CRTC1: variants seen among roughly 807,000 people sequenced by gnomAD.
The protein encoded by CRTC1 is CREB-regulated transcription coactivator 1.
A neutral mutation model predicts 66.1 loss-of-function variants in CRTC1; 18 were observed. The observed-to-expected ratio is 0.27, with a 90% CI of 0.19 to 0.40. CRTC1 has a LOEUF of 0.40. Ranked by LOEUF, CRTC1 falls within the 10% of genes least tolerant of loss-of-function variation. CRTC1 has a pLI of 1.00. For synonymous variants in CRTC1, 416 were observed against 398.8 expected, an observed-to-expected ratio of 1.04 and a Z score of -0.51; for missense variants, 669 against 887.9, an observed-to-expected ratio of 0.75 and a Z score of 3.13.
Position 18,777,271 on chromosome 19 carries a change from C to T in CRTC1, c.1794C>T (p.Asp598=), listed in dbSNP as rs758451654. ...SFDSDSQFPL[D]ELKIDPLTLD... ...ACTCCGACAGCCAGTTTCCCCTGGA[C>T]GAACTCAAGATCGACCCCCTGACCC... The change falls in exon 14 of 14, where the codon GAC becomes GAT. Residue 598 remains aspartate, a synonymous_variant. Coordinates refer to ENST00000321949, the MANE Select transcript of CRTC1 (RefSeq NM_015321.3). This position sits in a 1 kb window ranked among gnomAD's most constrained non-coding sequence, Gnocchi z 5.5. 6.8e-6 allele frequency: 11 copies of T among 1,612,460 alleles called. No individual in the cohort carries two copies. The highest frequency in any genetic ancestry group is 2.7e-5 in the African/African-American group (2 of 74,998).
chr19:18,729,365 G>A (rs914296642), intron 1 of CRTC1, among the ~76,000 whole-genome samples: 4 of 150,722 alleles, frequency 2.7e-5, no homozygotes, highest in African/African-American at 9.7e-5. Flanking sequence ...GGCGGAGCTT[G>A]CAGTGAGCTG....
chr19:18,743,925 C>G (rs2054170083), intron 2 of CRTC1, among the ~76,000 whole-genome samples: 1 of 152,198 alleles, frequency 6.6e-6, no homozygotes, highest in Non-Finnish European at 1.5e-5. Flanking sequence ...GTCCCCTCTT[C>G]CCTGGAGGAG....
chr19:18,744,612 C>A (rs1423050219), intron 2 of CRTC1, among the ~76,000 whole-genome samples: 1 of 152,224 alleles, frequency 6.6e-6, no homozygotes, highest in East Asian at 1.9e-4. Context: ...TCTGACTTGG[C>A]TTTGGCTGCC....
At chr19:18,752,570 C>T (rs1319760160) in intron 5 of CRTC1, among the ~76,000 whole-genome samples, 1 of 152,096 alleles carries the variant, frequency 6.6e-6, no homozygotes, top group Non-Finnish European at 1.5e-5. Flanking sequence ...CTGCCTGCCT[C>T]GGCCTCCCAA....
Position 18,725,492 on chromosome 19 carries a change from G to T in CRTC1, c.127-17418G>T, listed in dbSNP as rs568162998. The stretch of plus-strand genomic sequence containing the variant: ...CCACCCTCCTGGAGCGGAGGTTGGG[G>T]CAGCCTGGCCAGCCGTCCCCACACA... On this transcript the variant is annotated intron_variant, in intron 1 of 13. Transcript: ENST00000321949. 4.3e-4 allele frequency among the ~76,000 whole-genome samples: 64 copies of T among 150,460 alleles called. No homozygotes were observed. In the South Asian group the frequency reaches 0.011, roughly 26 times the overall value.
chr19:18,743,671 C>T (rs1025852934), intron 2 of CRTC1, among the ~76,000 whole-genome samples: 4 of 152,178 alleles, frequency 2.6e-5, no homozygotes, highest in East Asian at 3.9e-4. Context: ...AAAACCACCT[C>T]GGACACAGCC....
intron 8 of CRTC1, among the ~76,000 whole-genome samples, chr19:18,764,401 G>A (rs904802161): frequency 3.9e-5 from 6 of 152,244 alleles, no homozygotes; most frequent in East Asian, 1.9e-4. Flanking sequence ...GAGTGGATGG[G>A]GGTCAGGCCA....
Position 18,765,260 on chromosome 19 carries a change from C to A in CRTC1, c.887-144C>A, listed in dbSNP as rs931946414. The A allele has an allele frequency of 4.0e-6, 5 of 1,249,730 alleles. No homozygotes were observed. In the African/African-American group the frequency reaches 7.5e-5, roughly 19 times the overall value. 77.4% of individuals were successfully genotyped at this position (1,249,730 alleles called of 1,614,324 possible). A position where few individuals can be genotyped will look rare whatever the true frequency, so the allele number is the denominator to read the frequency against. ...GGAATCAGGGCCTTCGGGGGGTGCCCAGGTTTGGCAGTTGGGACATGTCCA... is the reference window on the plus strand; with the variant it reads ...GGAATCAGGGCCTTCGGGGGGTGCCAAGGTTTGGCAGTTGGGACATGTCCA... On this transcript the variant is annotated intron_variant, in intron 8 of 13. Coordinates refer to ENST00000321949, the MANE Select transcript of CRTC1 (RefSeq NM_015321.3).
chr19:18,772,698 A>G (rs1180626695), intron 11 of CRTC1, among the ~76,000 whole-genome samples: 1 of 152,126 alleles, frequency 6.6e-6, no homozygotes, highest in African/African-American at 2.4e-5. Context: ...GCCGTCTGGG[A>G]CCACTGCCTG....
chr19:18,695,820 G>A (rs1478026848), intron 1 of CRTC1, among the ~76,000 whole-genome samples: 1 of 152,098 alleles, frequency 6.6e-6, no homozygotes, highest in Non-Finnish European at 1.5e-5. Context: ...AGCCGAGATC[G>A]CGTCACTGCG....
intron 13 of CRTC1, among the ~76,000 whole-genome samples, chr19:18,776,302 G>A (rs538018646): frequency 1.3e-4 from 20 of 152,218 alleles, no homozygotes; most frequent in Non-Finnish European, 2.4e-4. Flanking sequence ...ACGGCGCCTG[G>A]GCTCCTGGGG....
rs2145885625 is a variant in CRTC1 at position 18,779,687 on chromosome 19, G to A, written c.*2305G>A. 4.4e-6 allele frequency: 1 copy of A among 225,092 alleles called. No homozygotes were observed. The highest frequency in any genetic ancestry group is 6.4e-5 in the East Asian group (1 of 15,582). 13.9% of individuals were successfully genotyped at this position (225,092 alleles called of 1,614,324 possible). A position where few individuals can be genotyped will look rare whatever the true frequency, so the allele number is the denominator to read the frequency against. ...TCTGGTCTTCGGTGTGGACAGATAG[G>A]AGAGGAGGGATGCCCACCTCGGAGC... is the stretch of plus-strand genomic sequence containing the variant. On this transcript the variant is annotated 3_prime_UTR_variant, in exon 14 of 14. Transcript: ENST00000321949.
chr19:18,700,784 G>A (rs921810873), intron 1 of CRTC1, among the ~76,000 whole-genome samples: 6 of 152,302 alleles, frequency 3.9e-5, no homozygotes, highest in East Asian at 1.9e-4. Flanking sequence ...AAAGACACGC[G>A]AGCTGTCCAC....
chr19:18,706,887 C>A (rs529805212), intron 1 of CRTC1, among the ~76,000 whole-genome samples: 23 of 151,986 alleles, frequency 1.5e-4, no homozygotes, highest in African/African-American at 4.3e-4. Flanking sequence ...GGTTGTTTTT[C>A]TTTTTGTTGG....
In CRTC1 at chr19:18,774,951, A is replaced by T. The variant is rs774332749; in HGVS notation, c.1477A>T (p.Met493Leu). The T allele has an allele frequency of 6.2e-7, 1 of 1,609,216 alleles. No individual in the cohort carries two copies. The highest frequency in any genetic ancestry group is 1.1e-5 in the South Asian group (1 of 91,074). ...TGGGGACGCGTACTATGAGCAGCAG[A>T]TGGCGGCCAGGCAGGCCAATGCTCT... ...VFGDAYYEQQ[M>L]AARQANALSH... Residue 493 changes from methionine (M) to leucine (L), a missense_variant, in exon 12 of 14, where the codon ATG (methionine) becomes TTG (leucine). Around this residue, in one of 8 missense-constraint regions of CRTC1, gnomAD observed 79 missense variants for 100.1 expected, o/e 0.79. Transcript: ENST00000321949.
intron 1 of CRTC1, among the ~76,000 whole-genome samples, chr19:18,718,553 G>C (rs1600830840): frequency 6.6e-6 from 1 of 151,176 alleles, no homozygotes; most frequent in African/African-American, 2.4e-5. Context: ...ATATTGGCCA[G>C]GCTGCTCTCA....
At chr19:18,694,318 GAA>G (rs1232715630) in intron 1 of CRTC1, among the ~76,000 whole-genome samples, 3 of 112,338 alleles carry the variant, frequency 2.7e-5, no homozygotes, top group Non-Finnish European at 6.2e-5. Flanking sequence ...AAAAAAAAAA[GAA>G]GAAGAGACGA....
chr19:18,758,816 C>T (rs566857905), intron 6 of CRTC1, among the ~76,000 whole-genome samples: 1 of 152,324 alleles, frequency 6.6e-6, no homozygotes, highest in South Asian at 2.1e-4. Flanking sequence ...AGACTGGTGG[C>T]TGCTCACAAA....
At chr19:18,756,587 C>G (rs1440824527) in intron 6 of CRTC1, among the ~76,000 whole-genome samples, 1 of 150,762 alleles carries the variant, frequency 6.6e-6, no homozygotes, top group East Asian at 2.0e-4. Context: ...CAAGTCCAGC[C>G]TGGGCAACAG....
Sources: gnomAD v4.1 joint callset for allele counts (sites outside exome capture counted in the v4.1 genomes callset) on GRCh38, gnomAD v4.1.1 for gene constraint, gnomAD v4.1.1 regional missense constraint, Gnocchi (gnomAD v3.1) non-coding constraint, MANE v1.5 for transcripts, NCBI Gene and HGNC (gene_info 2026-07-23, HGNC 2026-07-21) for gene names.